ESR1: variants seen among roughly 807,000 people sequenced by gnomAD.
ESR1 encodes the protein estrogen receptor 1.
Under a neutral mutation model 52.7 loss-of-function variants are expected in ESR1, and 12 were observed. The observed-to-expected ratio is 0.23, with a 90% CI of 0.15 to 0.37. ESR1 has a LOEUF of 0.37. Ranked by LOEUF, ESR1 falls within the 10% of genes least tolerant of loss-of-function variation. The probability of loss-of-function intolerance (pLI) is 1.00; values close to 1 mark genes in which losing one functional copy is unlikely to be tolerated. For missense variants in ESR1, 584 were observed against 779.7 expected, an observed-to-expected ratio of 0.75 and a Z score of 2.99; for synonymous variants, 305 against 316.8, an observed-to-expected ratio of 0.96 and a Z score of 0.39.
chr6:152,031,039 C>T (rs1204567166), intron 5 of ESR1, among the ~76,000 whole-genome samples: 1 of 152,148 alleles, frequency 6.6e-6, no homozygotes, highest in Non-Finnish European at 1.5e-5. Context: ...TGAATGACTA[C>T]TGGGTACATA....
intron 5 of ESR1, among the ~76,000 whole-genome samples, chr6:152,015,920 T>G (rs1476737813): frequency 1.3e-5 from 2 of 152,166 alleles, no homozygotes; most frequent in African/African-American, 4.8e-5. Context: ...CCTTAAGGTC[T>G]CTCTACAGGT....
At chr6:152,107,353 TTTTG>T (rs1356411029), downstream of ESR1, among the ~76,000 whole-genome samples, 8 of 152,206 alleles carry the variant, frequency 5.3e-5, no homozygotes, top group African/African-American at 1.9e-4. Context: ...CAGGGGACTG[TTTTG>T]TTTTTCTTCT....
At chr6:152,043,581 C>T (rs899173972) in intron 5 of ESR1, among the ~76,000 whole-genome samples, 6 of 152,172 alleles carry the variant, frequency 3.9e-5, no homozygotes, top group Non-Finnish European at 8.8e-5. Context: ...GAATCAACAT[C>T]GTCTTTCCTG....
intron 6 of ESR1, among the ~76,000 whole-genome samples, chr6:152,081,352 G>A (rs2049196124): frequency 6.6e-6 from 1 of 152,064 alleles, no homozygotes; most frequent in Non-Finnish European, 1.5e-5. Context: ...CGTGGAAACT[G>A]AACAACCTGC....
intron 4 of ESR1, among the ~76,000 whole-genome samples, chr6:152,003,964 TTAAAG>T (rs1216874325): frequency 1.3e-5 from 2 of 152,040 alleles, no homozygotes; most frequent in African/African-American, 4.8e-5. Context: ...AAATTTATAT[TTAAAG>T]TAAAGAACAA....
intron 3 of ESR1, among the ~76,000 whole-genome samples, chr6:151,881,990 G>T (rs748674574): frequency 1.2e-4 from 19 of 152,158 alleles, no homozygotes; most frequent in Admixed American, 3.3e-4. Flanking sequence ...GGCTGATGAT[G>T]GTGCTACCTG....
At chr6:152,032,293 C>A (rs1313385166) in intron 5 of ESR1, among the ~76,000 whole-genome samples, 5 of 152,110 alleles carry the variant, frequency 3.3e-5, no homozygotes, top group African/African-American at 9.7e-5. Flanking sequence ...CTGGTTAGGG[C>A]AATCAGGCAG....
At chr6:152,074,986 A>T (rs577079289) in intron 6 of ESR1, among the ~76,000 whole-genome samples, 8 of 152,176 alleles carry the variant, frequency 5.3e-5, no homozygotes, top group Admixed American at 2.6e-4. Flanking sequence ...ATTTTGGATA[A>T]CAGTCATTTA....
intron 4 of ESR1, among the ~76,000 whole-genome samples, chr6:152,008,517 G>C (rs73629916): frequency 0.025 from 3,772 of 152,166 alleles, 138 homozygotes; most frequent in African/African-American, 0.083. Context: ...AAAACTGTCA[G>C]ACCTAAATAA....
downstream of ESR1, among the ~76,000 whole-genome samples, chr6:152,103,557 G>C (rs190683703): frequency 6.6e-6 from 1 of 152,316 alleles, no homozygotes; most frequent in East Asian, 1.9e-4. Context: ...ACAATATGAT[G>C]ATAAGTAATA....
chr6:151,758,172 G>A (rs1784417303), intron 2 of ESR1, among the ~76,000 whole-genome samples: 1 of 152,166 alleles, frequency 6.6e-6, no homozygotes. Context: ...GTAGTTATGG[G>A]CTGGTTTCTT....
At chr6:151,822,714 G>A (rs184444579) in intron 1 of ESR1, among the ~76,000 whole-genome samples, 63 of 152,238 alleles carry the variant, frequency 4.1e-4, no homozygotes, top group Non-Finnish European at 7.2e-4. Flanking sequence ...TAAAGGTGAG[G>A]GAGTTTCTTT....
rs534563957 is a variant in ESR1, at chr6:151,669,430, C to A, written n.73+12667C>A. On this transcript the variant is annotated intron_variant and non_coding_transcript_variant, in intron 1 of 2. Transcript: ENST00000473497. ...CAATGATGTCCTCGAGAAACCTGCTCATGAAACCTGCTCAAGAAACCTGAG... is the reference window on the plus strand; with the variant it reads ...CAATGATGTCCTCGAGAAACCTGCTAATGAAACCTGCTCAAGAAACCTGAG... Among the ~76,000 whole-genome samples the A allele has an allele frequency of 2.0e-5, 3 of 152,116 alleles. No individual in the cohort carries two copies. In the South Asian group the frequency reaches 6.2e-4, roughly 32 times the overall value.
At chr6:151,922,694 C>G (rs2031941038) in intron 3 of ESR1, among the ~76,000 whole-genome samples, 3 of 152,156 alleles carry the variant, frequency 2.0e-5, no homozygotes, top group Admixed American at 2.0e-4. Context: ...TCAGCCACTT[C>G]TCCAAGGAGC....
intron 6 of ESR1, among the ~76,000 whole-genome samples, chr6:152,068,017 A>G (rs2048104176): frequency 6.6e-6 from 1 of 152,232 alleles, no homozygotes; most frequent in Admixed American, 6.5e-5. Context: ...ACAAATTCTT[A>G]AATTAAATAC....
chr6:151,854,498 C>T (rs1023914973), intron 2 of ESR1, among the ~76,000 whole-genome samples: 2 of 152,156 alleles, frequency 1.3e-5, no homozygotes, highest in East Asian at 3.8e-4. Flanking sequence ...GACAAAACAA[C>T]TTAATTATTA....
rs13437345 is a variant in ESR1, at chr6:151,849,850, C to T, written c.643+7063C>T. ...AGTAAGCCAGCTTTGAGAGAACACA[C>T]GGCTTATTGTCCTCTCCTTCTGTTT... On this transcript the variant is annotated intron_variant, in intron 2 of 7. Transcript: ENST00000206249. Among the ~76,000 whole-genome samples the T allele has an allele frequency of 5.3e-3, 800 of 150,138 alleles. 4 individuals are homozygous for T. The highest frequency in any genetic ancestry group is 8.8e-3 in the Admixed American group (131 of 14,894).
At chr6:152,028,539 G>A (rs560856106) in intron 5 of ESR1, among the ~76,000 whole-genome samples, 21 of 152,290 alleles carry the variant, frequency 1.4e-4, no homozygotes, top group East Asian at 1.4e-3. Flanking sequence ...ACAGAGCCTC[G>A]CTCATTGCTA....
intron 1 of ESR1, among the ~76,000 whole-genome samples, chr6:151,659,300 A>G (rs971089128): frequency 1.3e-5 from 2 of 152,206 alleles, no homozygotes; most frequent in African/African-American, 4.8e-5. Flanking sequence ...GGCGTGAGCC[A>G]CTGTGCCCGG....
Sources: allele counts gnomAD v4.1 joint callset (sites outside exome capture counted in the v4.1 genomes callset), GRCh38; gene constraint gnomAD v4.1.1; transcripts MANE v1.5; gene names NCBI Gene and HGNC (gene_info 2026-07-23, HGNC 2026-07-21).